The following LRP1B variants were observed in gnomAD, a reference collection of about 807,000 sequenced individuals.
The protein encoded by LRP1B is low-density lipoprotein receptor-related protein 1B.
Under a neutral mutation model 556.6 loss-of-function variants are expected in LRP1B, and 217 were observed. That is an observed-to-expected ratio of 0.39 (90% CI 0.35 to 0.44). The LOEUF is 0.44. Ranked by LOEUF, LRP1B falls within the 20% of genes least tolerant of loss-of-function variation. LRP1B has a pLI of 1.00. For synonymous variants in LRP1B, 2,047 were observed against 1,865.8 expected (o/e 1.10, Z -2.50); for missense variants, 5,053 against 5,620.8 (o/e 0.90, Z 3.23).
chr2:141,843,338 G>T (rs1697541698), intron 1 of LRP1B, among the ~76,000 whole-genome samples: 1 of 152,076 alleles, frequency 6.6e-6, no homozygotes, highest in Non-Finnish European at 1.5e-5. Flanking sequence ...ATTATAGAAT[G>T]GTGCTGTCCT....
intron 32 of LRP1B, among the ~76,000 whole-genome samples, chr2:140,785,922 C>T (rs896815405): frequency 6.6e-6 from 1 of 152,146 alleles, no homozygotes; most frequent in African/African-American, 2.4e-5. Context: ...GTCTAAATTG[C>T]CCACTTAACT....
At chr2:140,775,624 C>A (rs558958269) in intron 33 of LRP1B, among the ~76,000 whole-genome samples, 1 of 151,926 alleles carries the variant, frequency 6.6e-6, no homozygotes, top group African/African-American at 2.4e-5. Context: ...CCTATGTAAA[C>A]CATCTGTTAT....
intron 60 of LRP1B, among the ~76,000 whole-genome samples, chr2:140,472,442 T>C (rs560470808): frequency 6.6e-6 from 1 of 152,224 alleles, no homozygotes; most frequent in East Asian, 1.9e-4. Context: ...GAGAGGTTCA[T>C]GTGACTAAGA....
At chr2:140,233,937 G>A (rs1336195085) in intron 90 of LRP1B, among the ~76,000 whole-genome samples, 2 of 151,242 alleles carry the variant, frequency 1.3e-5, no homozygotes, top group Non-Finnish European at 3.0e-5. Context: ...CACAAACATA[G>A]CATTTTGAAG....
chr2:141,217,302 C>T (rs1386297138), intron 6 of LRP1B, among the ~76,000 whole-genome samples: 2 of 152,110 alleles, frequency 1.3e-5, no homozygotes, highest in Non-Finnish European at 2.9e-5. Context: ...TTCATTTTCT[C>T]ATCTATAAAC....
intron 41 of LRP1B, chr2:140,683,832 C>T: frequency 1.5e-6 from 1 of 652,842 alleles, no homozygotes; most frequent in Admixed American, 2.3e-5. Context: ...ATGCGCTAGG[C>T]AGCAGCCGAC....
intron 32 of LRP1B, among the ~76,000 whole-genome samples, chr2:140,794,307 G>A (rs1325255048): frequency 6.6e-6 from 1 of 151,976 alleles, no homozygotes; most frequent in Non-Finnish European, 1.5e-5. Flanking sequence ...TAAAATATCA[G>A]ACAGGCACAC....
At chr2:140,902,827 A>C (rs2105222034) in intron 23 of LRP1B, 93 bp downstream of exon 23, 1 of 1,330,290 alleles carries the variant, frequency 7.5e-7, no homozygotes, top group Non-Finnish European at 1.0e-6. Flanking sequence ...AAATGAGTTG[A>C]ATCCTTTCAT....
In LRP1B at chr2:141,254,638, A is replaced by T. The variant is rs750921716; in HGVS notation, c.347T>A (p.Leu116Gln). ...GYDEGVHCQE[L>Q]LSNCQQLNCQ... Reference sequence around the variant, plus strand: ...ATTCAGCTGTTGGCAATTGGATAACAGTTCTGTAGAGAAAAAACAAATATA... The same window carrying T: ...ATTCAGCTGTTGGCAATTGGATAACTGTTCTGTAGAGAAAAAACAAATATA... The change falls in exon 4 of 91, where the codon CTG becomes CAG. Residue 116 changes from leucine (L) to glutamine (Q), a missense_variant. Coordinates refer to ENST00000389484, the MANE Select transcript of LRP1B (RefSeq NM_018557.3). 2 of 1,605,894 alleles carry T rather than the reference A, an allele frequency of 1.2e-6. No individual in the cohort carries two copies. Among genetic ancestry groups the T allele is most frequent in the South Asian group, 2.2e-5 (2 of 90,554 alleles).
intron 41 of LRP1B, among the ~76,000 whole-genome samples, chr2:140,606,396 A>G (rs1682869843): frequency 6.6e-6 from 1 of 152,140 alleles, no homozygotes; most frequent in Non-Finnish European, 1.5e-5. Context: ...AAAGATAACA[A>G]TGTTCATGGA....
intron 1 of LRP1B, among the ~76,000 whole-genome samples, chr2:141,851,661 G>A (rs1003299448): frequency 6.6e-6 from 1 of 151,702 alleles, no homozygotes; most frequent in Admixed American, 6.6e-5. Context: ...TTAAAAAACA[G>A]TAAATTAGTT....
At chr2:141,572,382 A>T (rs1686561049) in intron 2 of LRP1B, among the ~76,000 whole-genome samples, 1 of 152,220 alleles carries the variant, frequency 6.6e-6, no homozygotes, top group Non-Finnish European at 1.5e-5. Context: ...ACAAAAGCTG[A>T]GGGATTTTGT....
At chr2:141,763,752 T>C (rs1186463017) in intron 2 of LRP1B, among the ~76,000 whole-genome samples, 1 of 152,096 alleles carries the variant, frequency 6.6e-6, no homozygotes, top group Non-Finnish European at 1.5e-5. Flanking sequence ...CCAAATATAA[T>C]TGCAAAAGTA....
Position 141,049,195 on chromosome 2 carries a change from T to C in LRP1B, c.1580A>G (p.Tyr527Cys). Residue 527 changes from tyrosine (Y) to cysteine (C), a missense_variant, in exon 11 of 91, where the codon TAT becomes TGT. Tyr to Cys is a radical substitution (Grantham distance 194). This residue lies in a region of LRP1B where 3,619 missense variants were observed against 3,931.9 expected (regional missense o/e 0.92). Coordinates refer to ENST00000389484, the MANE Select transcript of LRP1B (RefSeq NM_018557.3). The stretch of plus-strand genomic sequence containing the variant: ...AACAATTCCTGGGCGTCCTTTCCCA[T>C]AAAAGAGGAACAACTCATTCTTTGG... ...KRPKNELFLF[Y>C]GKGRPGIVRG... 1.2e-6 allele frequency: 2 copies of C among 1,613,068 alleles called. No individual in the cohort carries two copies. Among genetic ancestry groups the C allele is most frequent in the Non-Finnish European group, 1.7e-6 (2 of 1,179,272 alleles).
At chr2:142,040,115 T>C (rs928941690) in intron 1 of LRP1B, among the ~76,000 whole-genome samples, 1 of 151,436 alleles carries the variant, frequency 6.6e-6, no homozygotes, top group Admixed American at 6.6e-5. Flanking sequence ...AAGAATGAAA[T>C]GAGATTGGAT....
intron 7 of LRP1B, among the ~76,000 whole-genome samples, chr2:141,132,220 G>A (rs902612473): frequency 6.6e-5 from 10 of 151,966 alleles, no homozygotes; most frequent in African/African-American, 2.4e-4. Flanking sequence ...GTTGAGGGAT[G>A]GGGCCTGATG....
intron 6 of LRP1B, among the ~76,000 whole-genome samples, chr2:141,210,144 G>T (rs1682478813): frequency 1.3e-5 from 2 of 151,424 alleles, no homozygotes; most frequent in East Asian, 3.9e-4. Context: ...GCTTAATTAG[G>T]TTCCTATTGC....
intron 1 of LRP1B, among the ~76,000 whole-genome samples, chr2:142,084,838 A>G (rs773516460): frequency 6.6e-6 from 1 of 152,104 alleles, no homozygotes; most frequent in African/African-American, 2.4e-5. Context: ...TTTACAAACG[A>G]AAGTAGTTTC....
chr2:140,683,622 C>G (rs1475763649), intron 41 of LRP1B: 1 of 699,388 alleles, frequency 1.4e-6, no homozygotes, highest in Non-Finnish European at 2.7e-6. Flanking sequence ...TGTCCCTTCT[C>G]TCAGCTCCCA....
Sources: allele counts gnomAD v4.1 joint callset (sites outside exome capture counted in the v4.1 genomes callset), GRCh38; gene constraint gnomAD v4.1.1; regional missense constraint gnomAD v4.1.1; transcripts MANE v1.5; gene names NCBI Gene and HGNC (gene_info 2026-07-23, HGNC 2026-07-21).